PRUNE2: variants seen among roughly 807,000 people sequenced by gnomAD.
The protein encoded by PRUNE2 is protein prune homolog 2.
In PRUNE2, 164 loss-of-function variants were observed where a neutral mutation model predicts 252.0. The ratio of observed to expected loss-of-function variants is 0.65; its 90% CI spans 0.57 to 0.74. The LOEUF is 0.74. Among genes scored for constraint, PRUNE2 ranks in the 30% least tolerant of loss-of-function variants. The probability of loss-of-function intolerance (pLI) is 0.00; values close to 1 mark genes in which losing one functional copy is unlikely to be tolerated. For missense variants in PRUNE2, 3,495 were observed against 3,711.0 expected, an observed-to-expected ratio of 0.94 and a Z score of 1.51; for synonymous variants, 1,292 against 1,350.2, an observed-to-expected ratio of 0.96 and a Z score of 0.94.
intron 15 of PRUNE2, among the ~76,000 whole-genome samples, chr9:76,635,356 C>T (rs576538806): frequency 1.4e-4 from 21 of 152,268 alleles, no homozygotes; most frequent in East Asian, 1.3e-3. Flanking sequence ...AATCCTGCTA[C>T]TCAATTGAAG....
chr9:76,628,387 C>G (rs1326964968), intron 16 of PRUNE2, among the ~76,000 whole-genome samples: 1 of 152,218 alleles, frequency 6.6e-6, no homozygotes, highest in Non-Finnish European at 1.5e-5. Flanking sequence ...TCACCCACCA[C>G]TGGGCAAATG....
Position 76,892,591 on chromosome 9 carries a change from T to G in PRUNE2, c.36+13337A>C, listed in dbSNP as rs563829320. 5.3e-5 allele frequency among the ~76,000 whole-genome samples: 8 copies of G among 152,282 alleles called. 1 individual carries two copies. In the East Asian group the frequency reaches 1.4e-3, roughly 26 times the overall value. On this transcript the variant is annotated intron_variant, in intron 1 of 18. Coordinates refer to ENST00000376718, the MANE Select transcript of PRUNE2 (RefSeq NM_015225.3). Reference sequence around the variant, plus strand: ...TGCTCCATTATTTAAGATGTTGATTTTGAATACTATGTAATAACTTAGGAA... The same window carrying G: ...TGCTCCATTATTTAAGATGTTGATTGTGAATACTATGTAATAACTTAGGAA...
intron 6 of PRUNE2, among the ~76,000 whole-genome samples, chr9:76,762,406 G>A (rs1589074274): frequency 6.6e-6 from 1 of 152,184 alleles, no homozygotes; most frequent in South Asian, 2.1e-4. Context: ...CGCAGAGAGA[G>A]CAACTACCAT....
At chr9:76,674,600 C>G (rs1440947991) in intron 9 of PRUNE2, among the ~76,000 whole-genome samples, 4 of 150,218 alleles carry the variant, frequency 2.7e-5, no homozygotes, top group Non-Finnish European at 4.4e-5. Context: ...GAGCCCGCAT[C>G]GCCAAGTCAA....
chr9:76,633,580 C>CAAA (rs566175941), intron 15 of PRUNE2, among the ~76,000 whole-genome samples: 11 of 133,110 alleles, frequency 8.3e-5, no homozygotes, highest in Admixed American at 2.3e-4. Flanking sequence ...GAGGTTGTCT[C>CAAA]AAAAAAAAAA....
intron 9 of PRUNE2, among the ~76,000 whole-genome samples, chr9:76,671,269 G>GA (rs2041413306): frequency 6.8e-6 from 1 of 147,208 alleles, no homozygotes; most frequent in Non-Finnish European, 1.5e-5. Flanking sequence ...GAAGCCTCAG[G>GA]AGCCGATGCG....
chr9:76,636,960 G>A (rs931135713), intron 14 of PRUNE2, among the ~76,000 whole-genome samples: 10 of 114,924 alleles, frequency 8.7e-5, no homozygotes, highest in South Asian at 3.3e-4. Flanking sequence ...CAACAACAAC[G>A]ACAACAACAA....
chr9:76,864,498 T>G (rs936203708), intron 1 of PRUNE2, among the ~76,000 whole-genome samples: 5 of 152,050 alleles, frequency 3.3e-5, no homozygotes, highest in African/African-American at 9.7e-5. Context: ...AATAAAAATC[T>G]AAGGTGTCAA....
intron 9 of PRUNE2, among the ~76,000 whole-genome samples, chr9:76,696,356 T>G (rs1321211745): frequency 1.3e-5 from 2 of 152,304 alleles, no homozygotes; most frequent in East Asian, 1.9e-4. Context: ...GAACAGCTTC[T>G]GTTTGCTTCG....
chr9:76,833,924 C>G (rs2058815381), intron 4 of PRUNE2, among the ~76,000 whole-genome samples: 1 of 149,220 alleles, frequency 6.7e-6, no homozygotes, highest in Admixed American at 6.7e-5. Context: ...CTTGGTCGCC[C>G]AGGCCGGAGT....
In PRUNE2 at chr9:76,708,847, C is replaced by G. The variant is rs754723706; in HGVS notation, c.3427G>C (p.Gly1143Arg). 1.9e-6 allele frequency: 3 copies of G among 1,613,962 alleles called. No homozygotes were observed. Among genetic ancestry groups the G allele is most frequent in the Non-Finnish European group, 2.5e-6 (3 of 1,179,894 alleles). Residue 1143 changes from glycine (G) to arginine (R), a missense_variant, in exon 8 of 19, where the codon GGG becomes CGG. Gly to Arg is a moderately radical substitution (Grantham distance 125, BLOSUM62 -2). Transcript: ENST00000376718. Reference sequence around the variant, plus strand: ...CCATCACTGGGGATTGCCGCACCCCCACTGCAGTCATCCCAGTCCAAATCA... The same window carrying G: ...CCATCACTGGGGATTGCCGCACCCCGACTGCAGTCATCCCAGTCCAAATCA... Reference protein sequence around the residue: ...DNDLDWDDCSGGAAIPSDGQT... With the variant: ...DNDLDWDDCSRGAAIPSDGQT...
chr9:76,858,758 T>TAAA (rs879425476), intron 1 of PRUNE2, among the ~76,000 whole-genome samples: 6 of 123,372 alleles, frequency 4.9e-5, no homozygotes, highest in African/African-American at 1.2e-4. Context: ...AAGGTATAAT[T>TAAA]AAAAAAAAAA....
At chr9:76,715,589 C>T (rs556275397) in intron 6 of PRUNE2, among the ~76,000 whole-genome samples, 12 of 152,182 alleles carry the variant, frequency 7.9e-5, no homozygotes, top group African/African-American at 2.7e-4. Context: ...AAGTCATATG[C>T]GTTTGGAACA....
chr9:76,852,106 C>T (rs903678876), intron 2 of PRUNE2, among the ~76,000 whole-genome samples: 24 of 152,144 alleles, frequency 1.6e-4, no homozygotes, highest in Admixed American at 1.5e-3. Flanking sequence ...AGTGTATAAA[C>T]CAGTCTGGCA....
intron 6 of PRUNE2, among the ~76,000 whole-genome samples, chr9:76,729,290 C>G (rs1214267888): frequency 6.6e-6 from 1 of 152,124 alleles, no homozygotes; most frequent in African/African-American, 2.4e-5. Flanking sequence ...ACACCTGGGC[C>G]CCACTTCTAG....
chr9:76,759,930 G>A (rs1421296181), intron 6 of PRUNE2: 1 of 152,272 alleles, frequency 6.6e-6, no homozygotes, highest in African/African-American at 2.4e-5. Context: ...CTCCCATAAG[G>A]GGTTTGAGCA....
chr9:76,642,061 T>A (rs1842871511), intron 12 of PRUNE2: 1 of 1,038,346 alleles, frequency 9.6e-7, no homozygotes, highest in East Asian at 2.6e-5. Flanking sequence ...TTACTTGGCA[T>A]TATTGTTCTC....
chr9:76,699,301 A>G (rs935020038), intron 9 of PRUNE2, among the ~76,000 whole-genome samples: 3 of 152,066 alleles, frequency 2.0e-5, no homozygotes, highest in Non-Finnish European at 4.4e-5. Context: ...ATAACCTGTG[A>G]TAGTTAATGT....
chr9:76,698,604 T>C (rs1206522468), intron 9 of PRUNE2, among the ~76,000 whole-genome samples: 1 of 152,144 alleles, frequency 6.6e-6, no homozygotes, highest in African/African-American at 2.4e-5. Flanking sequence ...GGGTTCCCAT[T>C]ATCCAACACT....
Sources: gnomAD v4.1 joint callset for allele counts (sites outside exome capture counted in the v4.1 genomes callset) on GRCh38, gnomAD v4.1.1 for gene constraint, MANE v1.5 for transcripts, NCBI Gene and HGNC (gene_info 2026-07-23, HGNC 2026-07-21) for gene names.